The following LCP1 variants were observed in gnomAD, a reference collection of about 807,000 sequenced individuals.
LCP1 encodes lymphocyte cytosolic protein 1, also known as plastin-2.
In LCP1, 23 loss-of-function variants were observed where a neutral mutation model predicts 72.0. That is an observed-to-expected ratio of 0.32 (90% CI 0.23 to 0.45). The LOEUF is 0.45. Ranked by LOEUF, LCP1 falls within the 20% of genes least tolerant of loss-of-function variation. The pLI, the probability that LCP1 is intolerant of heterozygous loss-of-function variation, is 1.00. For synonymous variants in LCP1, 245 were observed against 275.4 expected (o/e 0.89, Z 1.09); for missense variants, 571 against 748.3 (o/e 0.76, Z 2.76).
chr13:46,127,776 A>C, intron 15 of LCP1, 53 bp from the exon 16 acceptor site: 1 of 1,604,430 alleles, frequency 6.2e-7, no homozygotes, highest in Non-Finnish European at 8.5e-7. Flanking sequence ...CACAACACGA[A>C]TGGGACCCTG....
At chr13:46,180,851 G>A (rs779808741) in intron 1 of LCP1, among the ~76,000 whole-genome samples, 2 of 152,010 alleles carry the variant, frequency 1.3e-5, no homozygotes, top group Non-Finnish European at 2.9e-5. Flanking sequence ...CATATTTTTA[G>A]TCTGTTCTTT....
chr13:46,163,783 T>C (rs2045861045), intron 1 of LCP1, among the ~76,000 whole-genome samples: 1 of 152,190 alleles, frequency 6.6e-6, no homozygotes, highest in Admixed American at 6.5e-5. Context: ...AAGGCTTCTG[T>C]TTTAAGGAAT....
chr13:46,156,494 T>G lies in LCP1; in HGVS notation c.435A>C (p.Pro145=), dbSNP rs1593955766. 1.9e-6 allele frequency: 3 copies of G among 1,614,178 alleles called. No individual in the cohort carries two copies. Among genetic ancestry groups the G allele is most frequent in the Non-Finnish European group, 2.5e-6 (3 of 1,180,018 alleles). ...ENDPDCRHVI[P]MNPNTNDLFN... is the part of the protein sequence containing the mutation. ...AGAGATCATTCGTGTTTGGGTTCAT[T>G]GGGATGACATGCCGACAATCAGGAT... The change falls in exon 5 of 16, where the codon CCA becomes CCC. Residue 145 remains proline, a synonymous_variant. Coordinates refer to ENST00000323076, the MANE Select transcript of LCP1 (RefSeq NM_002298.5).
chr13:46,159,518 T>C (rs1305275194), intron 2 of LCP1, 81 bp downstream of exon 2: 3 of 1,144,672 alleles, frequency 2.6e-6, no homozygotes, highest in Admixed American at 3.7e-5. Flanking sequence ...ATTTTGCTCA[T>C]GTTCCCATTT....
intron 9 of LCP1, 143 bp downstream of exon 9, chr13:46,148,209 G>A (rs746289884): frequency 9.3e-5 from 58 of 620,588 alleles, no homozygotes; most frequent in Non-Finnish European, 1.4e-4. Context: ...ATCCCAAACT[G>A]CTCACAGTTT....
At chr13:46,178,734 G>C (rs923364731) in intron 1 of LCP1, among the ~76,000 whole-genome samples, 4 of 151,988 alleles carry the variant, frequency 2.6e-5, no homozygotes, top group Non-Finnish European at 2.9e-5. Context: ...GAAACTAGCA[G>C]ATAAAAAAAC....
chr13:46,178,802 T>C (rs888555666), intron 1 of LCP1, among the ~76,000 whole-genome samples: 1 of 152,204 alleles, frequency 6.6e-6, no homozygotes, highest in Non-Finnish European at 1.5e-5. Context: ...AATCTACTAT[T>C]AGTAATAAAG....
At position 46,156,480 on chromosome 13, in the gene LCP1, G is replaced by A. The variant is rs896492331; in HGVS notation, c.449C>T (p.Thr150Met). ...CRHVIPMNPNTNDLFNAVGDG... is the reference protein window; with the variant it reads ...CRHVIPMNPNMNDLFNAVGDG... ...TCCAACAGCATTAAAGAGATCATTCGTGTTTGGGTTCATTGGGATGACATG... is the reference window on the plus strand; with the variant it reads ...TCCAACAGCATTAAAGAGATCATTCATGTTTGGGTTCATTGGGATGACATG... The change falls in exon 5 of 16, where the codon ACG becomes ATG. Residue 150 changes from threonine to methionine, a missense_variant. Transcript: ENST00000323076. 23 of 1,614,104 alleles carry A rather than the reference G, an allele frequency of 1.4e-5. No homozygotes were observed. Among genetic ancestry groups the A allele is most frequent in the Middle Eastern group, 1.6e-4 (1 of 6,062 alleles).
intron 13 of LCP1, among the ~76,000 whole-genome samples, chr13:46,140,664 G>A (rs779397922): frequency 6.6e-5 from 10 of 151,936 alleles, no homozygotes; most frequent in Non-Finnish European, 1.0e-4. Context: ...TCATAATGAA[G>A]ATAAAAATAA....
In LCP1 at chr13:46,142,234, A is replaced by C; in HGVS notation, c.1502+58T>G. Reference sequence around the variant, plus strand: ...AACTCATACTGCTAAAAATTTGCTAATATTTGTCTAAGTAAATAATGTATT... The same window carrying C: ...AACTCATACTGCTAAAAATTTGCTACTATTTGTCTAAGTAAATAATGTATT... On this transcript the variant is annotated intron_variant, in intron 13 of 15. Coordinates refer to ENST00000323076, the MANE Select transcript of LCP1 (RefSeq NM_002298.5). The C allele has an allele frequency of 3.2e-6, 5 of 1,559,142 alleles. No individual in the cohort carries two copies. In the South Asian group the frequency reaches 5.9e-5, roughly 18 times the overall value.
intron 1 of LCP1, among the ~76,000 whole-genome samples, chr13:46,180,824 C>A (rs2045952532): frequency 6.6e-6 from 1 of 152,146 alleles, no homozygotes; most frequent in African/African-American, 2.4e-5. Flanking sequence ...AATAGTTTTA[C>A]TTAAAATAAG....
At chr13:46,139,465 G>A (rs1041672555) in intron 13 of LCP1, among the ~76,000 whole-genome samples, 7 of 152,348 alleles carry the variant, frequency 4.6e-5, no homozygotes, top group Admixed American at 4.6e-4. Flanking sequence ...AAGCTGCAGT[G>A]CCTAGGCACA....
At chr13:46,134,368 C>G in intron 13 of LCP1, 118 bp from the exon 14 acceptor site, 1 of 802,176 alleles carries the variant, frequency 1.2e-6, no homozygotes, top group Non-Finnish European at 2.0e-6. Flanking sequence ...GTCTGGACAC[C>G]ATTACATTTG....
At chr13:46,142,665 TATGA>T (rs1404052896) in intron 12 of LCP1, 67 of 574,754 alleles carry the variant, frequency 1.2e-4, no homozygotes, top group Middle Eastern at 1.1e-3. Flanking sequence ...AATTCATTAC[TATGA>T]ATATGTTCAC....
chr13:46,127,873 T>G, intron 15 of LCP1, 150 bp from the exon 16 acceptor site: 1 of 914,498 alleles, frequency 1.1e-6, no homozygotes. Flanking sequence ...CTCACACTTT[T>G]GTGGACAAAT....
At chr13:46,131,782 C>T (rs1234505217) in intron 14 of LCP1, among the ~76,000 whole-genome samples, 5 of 151,982 alleles carry the variant, frequency 3.3e-5, no homozygotes, top group African/African-American at 1.2e-4. Flanking sequence ...CATCTATTCA[C>T]TTATAAGAGG....
chr13:46,177,263 G>A (rs1300341152), intron 1 of LCP1, among the ~76,000 whole-genome samples: 1 of 152,168 alleles, frequency 6.6e-6, no homozygotes, highest in Non-Finnish European at 1.5e-5. Context: ...GTGTACTTGG[G>A]TATAAAAAGT....
At chr13:46,163,043 C>T (rs7993288) in intron 1 of LCP1, among the ~76,000 whole-genome samples, 15,486 of 149,610 alleles carry the variant, frequency 0.1, 2,662 homozygotes, top group African/African-American at 0.35. Flanking sequence ...CCAGCCGCCC[C>T]GTCCGGGAGG....
intron 7 of LCP1, among the ~76,000 whole-genome samples, chr13:46,151,850 A>G (rs950216671): frequency 2.6e-5 from 4 of 152,228 alleles, no homozygotes; most frequent in Admixed American, 2.6e-4. Context: ...CTAAAAGATA[A>G]CATCGTGTTT....
Sources: allele counts gnomAD v4.1 joint callset (sites outside exome capture counted in the v4.1 genomes callset), GRCh38; gene constraint gnomAD v4.1.1; transcripts MANE v1.5; gene names NCBI Gene and HGNC (gene_info 2026-07-23, HGNC 2026-07-21).